Variants in RIPOR3 observed in about 807,000 individuals in gnomAD.
The protein encoded by RIPOR3 is family with sequence similarity 65 member C.
In RIPOR3, 95 loss-of-function variants were observed where a neutral mutation model predicts 114.3. The observed-to-expected ratio is 0.83, with a 90% CI of 0.70 to 0.99. The LOEUF (loss-of-function observed/expected upper bound fraction) is 0.99. Among genes scored for constraint, RIPOR3 ranks in the 50% least tolerant of loss-of-function variants. The pLI, the probability that RIPOR3 is intolerant of heterozygous loss-of-function variation, is 0.00. For missense variants in RIPOR3, 1,252 were observed against 1,266.9 expected (o/e 0.99, Z 0.18); for synonymous variants, 575 against 543.8 (o/e 1.06, Z -0.80).
rs1463616187 is a variant in RIPOR3 at position 50,620,075 on chromosome 20, C to T, written c.180G>A (p.Met60Ile). ...RSRMPAKSSK[M>I]YGTLRKGSVC... is the part of the protein sequence containing the mutation. ...CCGACCCCTTCCGCAGCGTGCCGTA[C>T]ATCTTGGAGGATTTTGCAGGCATTC... is the stretch of plus-strand genomic sequence containing the variant. The change falls in exon 3 of 22, where the codon ATG becomes ATA. Residue 60 changes from methionine to isoleucine, a missense_variant. By Grantham distance (10) the Met-to-Ile change is conservative (BLOSUM62 1). Coordinates refer to ENST00000327979, the MANE Select transcript of RIPOR3 (RefSeq NM_001290268.2). 5 of 1,614,076 alleles carry T rather than the reference C, an allele frequency of 3.1e-6. No individual in the cohort carries two copies. The highest frequency in any genetic ancestry group is 4.2e-6 in the Non-Finnish European group (5 of 1,180,032).
At chr20:50,611,305 G>A in intron 4 of RIPOR3, 101 bp from the exon 5 acceptor site, 1 of 1,517,618 alleles carries the variant, frequency 6.6e-7, no homozygotes, top group South Asian at 1.1e-5. Context: ...CTCAGAGTCA[G>A]AGGACAGAAA....
intron 1 of RIPOR3, among the ~76,000 whole-genome samples, chr20:50,676,768 A>AATTTTTT (rs1568961079): frequency 7.1e-6 from 1 of 139,886 alleles, no homozygotes. Context: ...TCCAGATTCT[A>AATTTTTT]CTTTTTTTTT....
chr20:50,685,771 G>T (rs1487033200), intron 1 of RIPOR3, among the ~76,000 whole-genome samples: 1 of 141,754 alleles, frequency 7.1e-6, no homozygotes, highest in Non-Finnish European at 1.5e-5. Context: ...AAGTGAGCAG[G>T]ATCACGCCAC....
At chr20:50,623,130 GGA>G (rs2084482053) in intron 2 of RIPOR3, among the ~76,000 whole-genome samples, 1 of 151,814 alleles carries the variant, frequency 6.6e-6, no homozygotes, top group African/African-American at 2.4e-5. Flanking sequence ...GCGTGGTGGT[GGA>G]CACCTGTAAT....
intron 13 of RIPOR3, among the ~76,000 whole-genome samples, chr20:50,598,606 A>T (rs2083385461): frequency 6.6e-6 from 1 of 152,214 alleles, no homozygotes; most frequent in African/African-American, 2.4e-5. Context: ...GTAAGTGTGT[A>T]TCAATACACA....
At chr20:50,662,600 C>T (rs2086034569) in intron 1 of RIPOR3, among the ~76,000 whole-genome samples, 1 of 152,242 alleles carries the variant, frequency 6.6e-6, no homozygotes, top group Admixed American at 6.5e-5. Flanking sequence ...CCACCCAGGA[C>T]CCTCCTCTCG....
At chr20:50,598,893 A>G (rs1343859648) in intron 13 of RIPOR3, among the ~76,000 whole-genome samples, 1 of 147,102 alleles carries the variant, frequency 6.8e-6, no homozygotes, top group Non-Finnish European at 1.5e-5. Context: ...CGACAGAGCA[A>G]GACTCCATCT....
chr20:50,683,356 T>C (rs902952720), intron 1 of RIPOR3, among the ~76,000 whole-genome samples: 3 of 152,174 alleles, frequency 2.0e-5, no homozygotes, highest in Non-Finnish European at 4.4e-5. Context: ...TAAATAGCTA[T>C]AAAGAGATTG....
intron 9 of RIPOR3, 83 bp downstream of exon 9, chr20:50,608,829 C>T: frequency 6.2e-7 from 1 of 1,611,938 alleles, no homozygotes; most frequent in Non-Finnish European, 8.5e-7. Flanking sequence ...AGAGCCCCAG[C>T]TGCAACCCTG....
chr20:50,687,780 G>C (rs1457888536), intron 1 of RIPOR3, among the ~76,000 whole-genome samples: 1 of 152,018 alleles, frequency 6.6e-6, no homozygotes, highest in Admixed American at 6.6e-5. Flanking sequence ...GCGGGTGCCT[G>C]TAATCCTAGC....
chr20:50,688,614 G>A (rs1037619148), intron 1 of RIPOR3, among the ~76,000 whole-genome samples: 4 of 152,250 alleles, frequency 2.6e-5, no homozygotes, highest in African/African-American at 9.6e-5. Context: ...CCTCTGTCTG[G>A]GGACAACATG....
intron 6 of RIPOR3, among the ~76,000 whole-genome samples, chr20:50,609,979 T>TTC (rs1320723818): frequency 1.0e-5 from 1 of 99,472 alleles, no homozygotes; most frequent in South Asian, 3.8e-4. Flanking sequence ...CTGCCACCCC[T>TTC]ACCACCCCTG....
chr20:50,627,557 C>T (rs1458809667), intron 2 of RIPOR3, among the ~76,000 whole-genome samples: 2 of 151,172 alleles, frequency 1.3e-5, no homozygotes, highest in Non-Finnish European at 2.9e-5. Flanking sequence ...GTGGCACGCT[C>T]CTGTAATCCC....
intron 1 of RIPOR3, among the ~76,000 whole-genome samples, chr20:50,642,762 T>A (rs2085250620): frequency 1.3e-5 from 2 of 151,650 alleles, no homozygotes; most frequent in Non-Finnish European, 2.9e-5. Flanking sequence ...AAAAAATCCA[T>A]CAGAGGCCAG....
In RIPOR3 at chr20:50,604,628, C is replaced by T. The variant is rs767244042; in HGVS notation, c.1086+17G>A. 1.8e-5 allele frequency: 29 copies of T among 1,599,806 alleles called. 1 individual carries two copies. In the South Asian group the frequency reaches 2.6e-4, roughly 14 times the overall value. On this transcript the variant is annotated intron_variant, in intron 12 of 21. Transcript: ENST00000327979. ...CAGGGTGACCACAGCGGCCCTGCCCCGGGAAGGCTCACTCACCAGGTAGTA... is the reference window on the plus strand; with the variant it reads ...CAGGGTGACCACAGCGGCCCTGCCCTGGGAAGGCTCACTCACCAGGTAGTA...
At chr20:50,674,198 C>T (rs1012134881) in intron 1 of RIPOR3, among the ~76,000 whole-genome samples, 6 of 152,084 alleles carry the variant, frequency 3.9e-5, no homozygotes, top group Non-Finnish European at 8.8e-5. Flanking sequence ...AAAGTACAGC[C>T]GACTCCAAGC....
chr20:50,624,165 C>G (rs900882998), intron 2 of RIPOR3, among the ~76,000 whole-genome samples: 2 of 152,198 alleles, frequency 1.3e-5, no homozygotes, highest in Non-Finnish European at 2.9e-5. Flanking sequence ...TTAAGTGATG[C>G]TTTCCAAAGC....
At chr20:50,595,897 C>A (rs970019167) in intron 15 of RIPOR3, among the ~76,000 whole-genome samples, 3 of 152,196 alleles carry the variant, frequency 2.0e-5, no homozygotes, top group African/African-American at 4.8e-5. Flanking sequence ...GTTCTGGCAC[C>A]TATAAATGAG....
At chr20:50,622,545 G>A (rs76852415) in intron 2 of RIPOR3, among the ~76,000 whole-genome samples, 3,297 of 152,158 alleles carry the variant, frequency 0.022, 55 homozygotes, top group South Asian at 0.039. Context: ...TCCCAGGGGC[G>A]GGAATAACGG....
Sources: gnomAD v4.1 joint callset for allele counts (sites outside exome capture counted in the v4.1 genomes callset) on GRCh38, gnomAD v4.1.1 for gene constraint, MANE v1.5 for transcripts, NCBI Gene and HGNC (gene_info 2026-07-23, HGNC 2026-07-21) for gene names.